KRT8: variants seen among roughly 807,000 people sequenced by gnomAD.
KRT8 encodes the protein keratin 8, also known as keratin, type II cytoskeletal 8.
In KRT8, 24 loss-of-function variants were observed where a neutral mutation model predicts 43.0. The ratio of observed to expected loss-of-function variants is 0.56; its 90% CI spans 0.40 to 0.78. The LOEUF (loss-of-function observed/expected upper bound fraction) is 0.78. KRT8 is among the 30% of genes least tolerant of loss of function. KRT8 has a pLI of 0.00. For missense variants in KRT8, 492 were observed against 638.4 expected (o/e 0.77, Z 2.47); for synonymous variants, 214 against 261.2 (o/e 0.82, Z 1.74).
chr12:52,932,289 A>G (rs1253369649), intron 2 of KRT8, among the ~76,000 whole-genome samples: 2 of 151,770 alleles, frequency 1.3e-5, no homozygotes, highest in Non-Finnish European at 2.9e-5. Context: ...GGGTTTCACC[A>G]TCTTGGCTAG....
chr12:52,949,712 T>G, intron 1 of KRT8: 1 of 906,612 alleles, frequency 1.1e-6, no homozygotes, highest in Non-Finnish European at 1.8e-6. Context: ...GGGTTGGGCA[T>G]ACCTGGATTT....
intron 1 of KRT8, chr12:52,902,351 T>C (rs1442358105): frequency 2.1e-6 from 1 of 478,128 alleles, no homozygotes; most frequent in Admixed American, 3.3e-5. Flanking sequence ...AGGCCTAACT[T>C]CATTTACATA....
upstream of KRT8, among the ~76,000 whole-genome samples, chr12:52,911,179 C>A (rs1941629498): frequency 6.6e-6 from 1 of 152,076 alleles, no homozygotes; most frequent in African/African-American, 2.4e-5. Context: ...TGGTGAAACC[C>A]CATTTCTACT....
chr12:52,904,699 T>G lies in KRT8; in HGVS notation c.283A>C (p.Ile95Leu), dbSNP rs758437742. 24 of 1,612,826 alleles carry G rather than the reference T, an allele frequency of 1.5e-5. No homozygotes were observed. The Admixed American group carries it at 3.7e-4, about 25-fold the overall frequency. Residue 95 changes from isoleucine to leucine, a missense_variant, in exon 1 of 8, where the codon ATC (isoleucine) becomes CTC (leucine). Around this residue, in one of 3 missense-constraint regions of KRT8, gnomAD observed 19 missense variants for 55.1 expected, o/e 0.34. Transcript: ENST00000692008. ...GCAAACTTGTTGTTGAGGGTCTTGA[T>G]CTGCTCCTTCTCCTGGGTGCGCACG...
chr12:52,917,205 C>A (rs957015342), intron 2 of KRT8, among the ~76,000 whole-genome samples: 7 of 151,630 alleles, frequency 4.6e-5, no homozygotes, highest in Non-Finnish European at 7.4e-5. Context: ...GCCTGACCAA[C>A]ATGGTGAAAT....
intron 2 of KRT8, among the ~76,000 whole-genome samples, chr12:52,933,634 ATT>A: frequency 6.6e-6 from 1 of 151,946 alleles, no homozygotes; most frequent in East Asian, 1.9e-4. Flanking sequence ...TTATTTTTTT[ATT>A]TTTTTGAGAC....
chr12:52,918,185 A>AAGAAGAAGAAGAAGGAGAAGG (rs1941801847), intron 2 of KRT8, among the ~76,000 whole-genome samples: 2 of 112,310 alleles, frequency 1.8e-5, no homozygotes, highest in African/African-American at 7.7e-5. Context: ...GAAGAGGAAG[A>AAGAAGAAGAAGAAGGAGAAGG]AGAAGAAGAA....
chr12:52,919,141 C>G (rs1309283884), intron 2 of KRT8, among the ~76,000 whole-genome samples: 1 of 152,166 alleles, frequency 6.6e-6, no homozygotes, highest in African/African-American at 2.4e-5. Context: ...GCAAACAGAG[C>G]CCTGCCTACT....
chr12:52,917,227 T>TA (rs964669416), intron 2 of KRT8, among the ~76,000 whole-genome samples: 42 of 151,278 alleles, frequency 2.8e-4, no homozygotes, highest in East Asian at 9.8e-4. Context: ...CAGTCTCTGG[T>TA]AAAAAAATAT....
upstream of KRT8, among the ~76,000 whole-genome samples, chr12:52,911,749 T>C (rs981324090): frequency 1.3e-5 from 2 of 152,106 alleles, no homozygotes; most frequent in African/African-American, 4.8e-5. Flanking sequence ...AAAAGTGGTA[T>C]GGGCCGGGCG....
chr12:52,909,873 C>T (rs138087439), upstream of KRT8, among the ~76,000 whole-genome samples: 438 of 152,292 alleles, frequency 2.9e-3, 2 homozygotes, highest in African/African-American at 0.01. Flanking sequence ...GGGAGGACAG[C>T]ACAGCCTTGT....
intron 2 of KRT8, among the ~76,000 whole-genome samples, chr12:52,916,419 C>T (rs1261966878): frequency 2.0e-5 from 3 of 152,194 alleles, no homozygotes; most frequent in Admixed American, 2.0e-4. Context: ...CTAGCAGCTC[C>T]CTGCTGAACC....
chr12:52,899,985 G>A (rs1468225387), exon 5 of KRT8: 3 of 1,613,228 alleles, frequency 1.9e-6, no homozygotes, highest in East Asian at 4.5e-5. Context: ...CAATGATGCT[G>A]TCCATGTCCA....
In KRT8 at chr12:52,928,070, C is replaced by G. The variant is rs573262032; in HGVS notation, c.-47+21386G>C. On this transcript the variant is annotated intron_variant, in intron 2 of 6. Transcript: ENST00000546826. ...CAAGACTCTGTCTCAAAAACAAAAA[C>G]AAAAACAGGGAGCGCTCTTGGCCTT... 1.4e-4 allele frequency among the ~76,000 whole-genome samples: 21 copies of G among 152,262 alleles called. No individual in the cohort carries two copies. In the South Asian group the frequency reaches 3.1e-3, roughly 23 times the overall value.
exon 1 of KRT8, chr12:52,904,776 T>A (rs773747000): frequency 6.2e-7 from 1 of 1,612,292 alleles, no homozygotes; most frequent in African/African-American, 1.3e-5. Flanking sequence ...CAGGCTCTGG[T>A]TGACCGTAAC....
At chr12:52,901,294 C>G (rs996998323) in intron 2 of KRT8, 75 bp from the exon 3 acceptor site, 3 of 1,062,550 alleles carry the variant, frequency 2.8e-6, no homozygotes, top group African/African-American at 1.6e-5. Flanking sequence ...GAGACAGGGG[C>G]GTTGTGAAAA....
At chr12:52,912,468 C>T (rs1941654523) in intron 2 of KRT8, among the ~76,000 whole-genome samples, 1 of 152,198 alleles carries the variant, frequency 6.6e-6, no homozygotes, top group Non-Finnish European at 1.5e-5. Context: ...TGTTGAATGT[C>T]CTGACACCCT....
At chr12:52,944,617 G>T (rs904575442) in intron 2 of KRT8, among the ~76,000 whole-genome samples, 11 of 152,306 alleles carry the variant, frequency 7.2e-5, no homozygotes, top group African/African-American at 2.4e-4. Context: ...TCCTAGAAGG[G>T]CCAGGTTCCC....
intron 2 of KRT8, among the ~76,000 whole-genome samples, chr12:52,927,830 G>A (rs1453103146): frequency 1.3e-5 from 2 of 152,206 alleles, no homozygotes; most frequent in African/African-American, 4.8e-5. Flanking sequence ...CGTAATCCCA[G>A]CACTTTGGGA....
Sources: allele counts gnomAD v4.1 joint callset (sites outside exome capture counted in the v4.1 genomes callset), GRCh38; gene constraint gnomAD v4.1.1; regional missense constraint gnomAD v4.1.1; transcripts MANE v1.5; gene names NCBI Gene and HGNC (gene_info 2026-07-23, HGNC 2026-07-21).